The following OLFM3 variants were observed in gnomAD, a reference collection of about 807,000 sequenced individuals.
OLFM3 encodes the protein noelin-3.
In OLFM3, 20 loss-of-function variants were observed where a neutral mutation model predicts 48.6. The observed-to-expected ratio is 0.41, with a 90% CI of 0.29 to 0.60. The LOEUF is 0.60. Ranked by LOEUF, OLFM3 falls within the 20% of genes least tolerant of loss-of-function variation. The probability of loss-of-function intolerance (pLI) is 0.28; values close to 1 mark genes in which losing one functional copy is unlikely to be tolerated. For synonymous variants in OLFM3, 222 were observed against 198.1 expected, an observed-to-expected ratio of 1.12 and a Z score of -1.01; for missense variants, 437 against 544.3, an observed-to-expected ratio of 0.80 and a Z score of 1.96.
At chr1:101,952,180 C>T (rs1386260807) in intron 1 of OLFM3, among the ~76,000 whole-genome samples, 1 of 152,110 alleles carries the variant, frequency 6.6e-6, no homozygotes, top group African/African-American at 2.4e-5. Context: ...GGACTTAGTT[C>T]AAGAAAGCCT....
At chr1:101,815,765 C>G (rs1654308393) in intron 4 of OLFM3, among the ~76,000 whole-genome samples, 2 of 152,140 alleles carry the variant, frequency 1.3e-5, no homozygotes, top group African/African-American at 2.4e-5. Flanking sequence ...TTGTTCATGA[C>G]TATTACACGT....
chr1:101,908,052 T>G (rs898194639), intron 1 of OLFM3, among the ~76,000 whole-genome samples: 1 of 152,240 alleles, frequency 6.6e-6, no homozygotes, highest in African/African-American at 2.4e-5. Flanking sequence ...TAGATACAAT[T>G]CAAATTGTAA....
chr1:101,978,008 T>A (rs992664138), intron 1 of OLFM3, among the ~76,000 whole-genome samples: 1 of 152,134 alleles, frequency 6.6e-6, no homozygotes, highest in Non-Finnish European at 1.5e-5. Context: ...ATTAGTACAT[T>A]AGTTACAAGG....
intron 1 of OLFM3, among the ~76,000 whole-genome samples, chr1:101,967,814 T>C (rs1366911236): frequency 1.3e-5 from 2 of 152,130 alleles, no homozygotes; most frequent in African/African-American, 4.8e-5. Context: ...TGGTACAAAC[T>C]AACTTTTTTT....
intron 1 of OLFM3, among the ~76,000 whole-genome samples, chr1:101,866,210 A>C (rs1005174669): frequency 2.6e-5 from 4 of 152,194 alleles, no homozygotes; most frequent in Admixed American, 6.5e-5. Flanking sequence ...AATTATTTGT[A>C]CATTAAAATG....
chr1:101,934,873 G>A (rs899293177), intron 1 of OLFM3, among the ~76,000 whole-genome samples: 1 of 152,038 alleles, frequency 6.6e-6, no homozygotes, highest in East Asian at 1.9e-4. Flanking sequence ...TGACTTTGGG[G>A]TAAGGAATAA....
At chr1:101,843,667 C>A (rs1262153325) in intron 1 of OLFM3, among the ~76,000 whole-genome samples, 1 of 152,206 alleles carries the variant, frequency 6.6e-6, no homozygotes, top group Non-Finnish European at 1.5e-5. Flanking sequence ...AATTTTAAAA[C>A]CCCTTTCAGC....
intron 3 of OLFM3, among the ~76,000 whole-genome samples, chr1:101,825,902 A>G (rs1430663656): frequency 1.3e-5 from 2 of 152,192 alleles, no homozygotes; most frequent in African/African-American, 4.8e-5. Flanking sequence ...AATCAGATGA[A>G]GTGTCCCAAG....
chr1:101,910,738 C>T (rs1658732730), intron 1 of OLFM3, among the ~76,000 whole-genome samples: 1 of 152,118 alleles, frequency 6.6e-6, no homozygotes, highest in South Asian at 2.1e-4. Context: ...AAATAATTCT[C>T]TTTGTACAGA....
At chr1:101,885,972 A>T (rs767121402) in intron 1 of OLFM3, among the ~76,000 whole-genome samples, 1 of 152,130 alleles carries the variant, frequency 6.6e-6, no homozygotes, top group South Asian at 2.1e-4. Context: ...TCCAGTGTAC[A>T]TGTATAGATA....
intron 1 of OLFM3, among the ~76,000 whole-genome samples, chr1:101,900,986 A>G (rs1436800450): frequency 6.6e-6 from 1 of 152,114 alleles, no homozygotes; most frequent in African/African-American, 2.4e-5. Context: ...TGGATTCTCT[A>G]TGACCTTTCT....
chr1:101,915,557 A>G (rs1034748596), intron 1 of OLFM3, among the ~76,000 whole-genome samples: 11 of 152,166 alleles, frequency 7.2e-5, no homozygotes, highest in African/African-American at 2.7e-4. Context: ...CTAAAATACA[A>G]TATCTCTCCT....
chr1:101,812,354 A>C, intron 4 of OLFM3: 3 of 864,864 alleles, frequency 3.5e-6, no homozygotes, highest in Non-Finnish European at 4.2e-6. Context: ...ATATAAAATT[A>C]AACTTCAAAG....
At chr1:101,851,760 G>A (rs1656228140) in intron 1 of OLFM3, among the ~76,000 whole-genome samples, 2 of 152,034 alleles carry the variant, frequency 1.3e-5, no homozygotes, top group Admixed American at 1.3e-4. Flanking sequence ...CCCACATAGT[G>A]TACCTTCCTT....
At chr1:101,896,670 A>ATTTTTTTTT (rs3079210) in intron 1 of OLFM3, among the ~76,000 whole-genome samples, 8 of 105,626 alleles carry the variant, frequency 7.6e-5, no homozygotes, top group East Asian at 5.2e-4. Flanking sequence ...GATTTTTTGT[A>ATTTTTTTTT]TTTTTTTTTT....
At chr1:101,899,601 T>G (rs1165762075) in intron 1 of OLFM3, among the ~76,000 whole-genome samples, 1 of 152,170 alleles carries the variant, frequency 6.6e-6, no homozygotes, top group East Asian at 1.9e-4. Flanking sequence ...TAGTTGCTGG[T>G]AAACGTTTGA....
chr1:101,959,749 G>T (rs1159602121), intron 1 of OLFM3, among the ~76,000 whole-genome samples: 1 of 152,136 alleles, frequency 6.6e-6, no homozygotes, highest in Non-Finnish European at 1.5e-5. Context: ...ATCTATGTAA[G>T]TTCCTTCAAG....
At chr1:101,964,984 A>G (rs892154621) in intron 1 of OLFM3, among the ~76,000 whole-genome samples, 1 of 152,220 alleles carries the variant, frequency 6.6e-6, no homozygotes, top group African/African-American at 2.4e-5. Flanking sequence ...ATTAGTCAGT[A>G]TAAGAAACTC....
intron 1 of OLFM3, among the ~76,000 whole-genome samples, chr1:101,995,524 C>T (rs1021602324): frequency 6.6e-6 from 1 of 152,022 alleles, no homozygotes; most frequent in African/African-American, 2.4e-5. Flanking sequence ...TGAATTTATT[C>T]TCATCAGGTC....
Sources: gnomAD v4.1 joint callset for allele counts (sites outside exome capture counted in the v4.1 genomes callset) on GRCh38, gnomAD v4.1.1 for gene constraint, MANE v1.5 for transcripts, NCBI Gene and HGNC (gene_info 2026-07-23, HGNC 2026-07-21) for gene names.